ZIM2: variants seen among roughly 807,000 people sequenced by gnomAD.
ZIM2 encodes the protein zinc finger protein 656.
ZIM2 carries 14 observed loss-of-function variants against 38.6 expected under a neutral mutation model. The ratio of observed to expected loss-of-function variants is 0.36; its 90% CI spans 0.24 to 0.57. The LOEUF (loss-of-function observed/expected upper bound fraction) is 0.57. Ranked by LOEUF, ZIM2 falls within the 20% of genes least tolerant of loss-of-function variation. ZIM2 has a pLI of 0.81. For synonymous variants in ZIM2, 247 were observed against 245.8 expected, an observed-to-expected ratio of 1.00 and a Z score of -0.04; for missense variants, 680 against 695.1, an observed-to-expected ratio of 0.98 and a Z score of 0.24.
intron 3 of ZIM2, 45 bp from the exon 4 acceptor site, chr19:56,824,472 T>G (rs1453605384): frequency 6.2e-7 from 1 of 1,613,936 alleles, no homozygotes; most frequent in African/African-American, 1.3e-5. Context: ...ATCAGGGTCT[T>G]CCGAGGCCCA....
intron 9 of ZIM2, among the ~76,000 whole-genome samples, chr19:56,802,287 C>T (rs540150158): frequency 1.3e-5 from 2 of 152,218 alleles, no homozygotes; most frequent in South Asian, 4.2e-4. Context: ...TTTTGAATAC[C>T]CTCAAGGATA....
At chr19:56,815,872 T>C (rs762513157) in intron 9 of ZIM2, 1 of 1,613,448 alleles carries the variant, frequency 6.2e-7, no homozygotes, top group African/African-American at 1.3e-5. Context: ...TTCTCCCTTC[T>C]CATTAGATTC....
chr19:56,804,572 CCCTCACAAGGTAG>C (rs1416372606), intron 9 of ZIM2, among the ~76,000 whole-genome samples: 1 of 152,184 alleles, frequency 6.6e-6, no homozygotes, highest in Admixed American at 6.5e-5. Context: ...TCTCATGTAA[CCCTCACAAGGTAG>C]CCTCTGTTGT....
intron 6 of ZIM2, chr19:56,822,391 A>C: frequency 4.8e-6 from 1 of 209,870 alleles, no homozygotes; most frequent in Non-Finnish European, 9.5e-6. Flanking sequence ...ATTCCTAGTT[A>C]ACAATATTGT....
chr19:56,800,200 GA>G (rs1453808810), intron 9 of ZIM2, among the ~76,000 whole-genome samples: 1 of 150,286 alleles, frequency 6.7e-6, no homozygotes, highest in East Asian at 1.9e-4. Flanking sequence ...CCTCACAATA[GA>G]AAAAAAAGAA....
chr19:56,837,624 G>A (rs1490429840), intron 1 of ZIM2, among the ~76,000 whole-genome samples: 1 of 152,212 alleles, frequency 6.6e-6, no homozygotes, highest in Non-Finnish European at 1.5e-5. Flanking sequence ...CCAAGATAGC[G>A]GGGGTAGGGC....
At chr19:56,807,933 A>G (rs1379506644) in intron 9 of ZIM2, among the ~76,000 whole-genome samples, 2 of 152,238 alleles carry the variant, frequency 1.3e-5, no homozygotes, top group East Asian at 3.8e-4. Context: ...TAGTGAGTAA[A>G]GAGTTATCAG....
In ZIM2 at chr19:56,823,739, C is replaced by T. The variant is rs2060736749; in HGVS notation, c.17-60G>A. On this transcript the variant is annotated intron_variant, in intron 4 of 12. Transcript: ENST00000629319. ...GGCCCACATTCTCACAATAGTTCCC[C>T]CCAATCCCTGAGCCGCATCTCCCTG... 5 of 1,586,624 alleles carry T rather than the reference C, an allele frequency of 3.2e-6. No individual in the cohort carries two copies. In the South Asian group the frequency reaches 5.5e-5, roughly 18 times the overall value.
chr19:56,782,080 C>T lies in ZIM2; in HGVS notation c.612G>A (p.Glu204=). 1 of 1,613,998 alleles carries T rather than the reference C, an allele frequency of 6.2e-7. No individual in the cohort carries two copies. The highest frequency in any genetic ancestry group is 8.5e-7 in the Non-Finnish European group (1 of 1,179,888). ...FKHLGTFLVF[E]ELVTFEDVLV... ...GCACATCCTCGAAGGTCACCAACTCCTCAAACACCAGAAATGTTCCTAAGT... is the reference window on the plus strand; with the variant it reads ...GCACATCCTCGAAGGTCACCAACTCTTCAAACACCAGAAATGTTCCTAAGT... The change falls in exon 11 of 13, where the codon GAG becomes GAA. Residue 204 remains glutamate, a synonymous_variant. Coordinates refer to ENST00000629319, the MANE Select transcript of ZIM2 (RefSeq NM_001387356.1).
rs1390706636 is a variant in ZIM2, at chr19:56,793,885, C to A, written c.491-3934G>T. Among the ~76,000 whole-genome samples, 3 of 151,244 alleles carry A rather than the reference C, an allele frequency of 2.0e-5. No individual in the cohort carries two copies. In the East Asian group the frequency reaches 5.8e-4, roughly 29 times the overall value. ...AAAGGTCAAAAACAGGCAAAATAAA[C>A]CTAAAGTGTTTGAAGTCAGAATAGT... On this transcript the variant is annotated intron_variant, in intron 9 of 12. Transcript: ENST00000629319.
chr19:56,823,776 C>T, intron 4 of ZIM2, 97 bp from the exon 5 acceptor site: 3 of 1,400,376 alleles, frequency 2.1e-6, no homozygotes, highest in Non-Finnish European at 3.0e-6. Flanking sequence ...CACAGACACA[C>T]ATGGTTGGAA....
chr19:56,824,308 C>G lies in ZIM2; in HGVS notation c.-31G>C. The G allele has an allele frequency of 1.9e-6, 3 of 1,614,130 alleles. No homozygotes were observed. The highest frequency in any genetic ancestry group is 1.7e-4 in the Middle Eastern group (1 of 6,052). On this transcript the variant is annotated 5_prime_UTR_variant, in exon 4 of 13. Coordinates refer to ENST00000629319, the MANE Select transcript of ZIM2 (RefSeq NM_001387356.1). ...TGTAATTCTCCAGCAGAGTGACGAG[C>G]TTCTCACAGTTCTCCGGCTTTTTTG... is the stretch of plus-strand genomic sequence containing the variant.
intron 2 of ZIM2, chr19:56,833,098 A>G: frequency 2.0e-6 from 1 of 503,050 alleles, no homozygotes; most frequent in East Asian, 5.6e-5. Flanking sequence ...GAAAGAACAC[A>G]TCATGCACTA....
chr19:56,833,555 G>A (rs1236170485), intron 2 of ZIM2: 1 of 211,842 alleles, frequency 4.7e-6, no homozygotes, highest in Non-Finnish European at 9.6e-6. Context: ...TAAAGTGCAT[G>A]CTACAGCCTG....
chr19:56,782,629 CA>C (rs2046383207), intron 10 of ZIM2, among the ~76,000 whole-genome samples: 1 of 151,800 alleles, frequency 6.6e-6, no homozygotes, highest in Admixed American at 6.6e-5. Flanking sequence ...GGGACAATAC[CA>C]ACTATTATAT....
At chr19:56,796,543 C>G (rs1475060379) in intron 9 of ZIM2, among the ~76,000 whole-genome samples, 2 of 152,208 alleles carry the variant, frequency 1.3e-5, no homozygotes, top group Non-Finnish European at 2.9e-5. Flanking sequence ...GGAGGCTGAT[C>G]CCCGCTGGAG....
chr19:56,822,960 A>C, intron 5 of ZIM2, 124 bp from the exon 6 acceptor site: 2 of 1,282,464 alleles, frequency 1.6e-6, no homozygotes, highest in Non-Finnish European at 2.2e-6. Flanking sequence ...TGGATCCAAA[A>C]CAGAGAGCTC....
At chr19:56,823,184 G>A (rs189940946) in intron 5 of ZIM2, among the ~76,000 whole-genome samples, 2 of 152,016 alleles carry the variant, frequency 1.3e-5, no homozygotes, top group Non-Finnish European at 1.5e-5. Flanking sequence ...TCTGGCAGCC[G>A]ATCTTAAAGT....
intron 11 of ZIM2, among the ~76,000 whole-genome samples, chr19:56,779,723 T>C (rs2046224234): frequency 6.6e-6 from 1 of 152,062 alleles, no homozygotes; most frequent in South Asian, 2.1e-4. Flanking sequence ...CTGCTCAACA[T>C]TCTGCAAGAC....
Sources: gnomAD v4.1 joint callset for allele counts (sites outside exome capture counted in the v4.1 genomes callset) on GRCh38, gnomAD v4.1.1 for gene constraint, MANE v1.5 for transcripts, NCBI Gene and HGNC (gene_info 2026-07-23, HGNC 2026-07-21) for gene names.